EBF2: variants seen among roughly 807,000 people sequenced by gnomAD.
EBF2 encodes transcription factor COE2.
A neutral mutation model predicts 72.8 loss-of-function variants in EBF2; 21 were observed. The ratio of observed to expected loss-of-function variants is 0.29; its 90% CI spans 0.20 to 0.42. The LOEUF (loss-of-function observed/expected upper bound fraction) is 0.42, where lower values mean the gene tolerates loss of function less well. EBF2 is among the 10% of genes least tolerant of loss of function. EBF2 has a pLI of 1.00. For missense variants in EBF2, 637 were observed against 731.2 expected (o/e 0.87, Z 1.49); for synonymous variants, 299 against 274.2 (o/e 1.09, Z -0.89).
At chr8:25,909,219 G>T (rs1044586834) in intron 6 of EBF2, among the ~76,000 whole-genome samples, 1 of 152,072 alleles carries the variant, frequency 6.6e-6, no homozygotes, top group Non-Finnish European at 1.5e-5. Flanking sequence ...ATTTCTTGAA[G>T]CCAATATTCT....
chr8:26,028,947 G>A (rs540544299), intron 6 of EBF2, among the ~76,000 whole-genome samples: 1 of 152,310 alleles, frequency 6.6e-6, no homozygotes, highest in South Asian at 2.1e-4. Context: ...CTAGGCTTTT[G>A]GAGAGGGGCA....
chr8:26,002,428 C>T (rs551001674), intron 6 of EBF2, among the ~76,000 whole-genome samples: 1 of 152,342 alleles, frequency 6.6e-6, no homozygotes, highest in East Asian at 1.9e-4. Context: ...GCCTACCCAA[C>T]GCCTTTTGTA....
At chr8:25,902,311 C>T (rs1210591753) in intron 7 of EBF2, among the ~76,000 whole-genome samples, 4 of 152,006 alleles carry the variant, frequency 2.6e-5, no homozygotes, top group Admixed American at 2.0e-4. Context: ...ACTAGACATA[C>T]ATTTCTTTTC....
chr8:25,934,216 C>T (rs939457986), intron 6 of EBF2, among the ~76,000 whole-genome samples: 2 of 128,436 alleles, frequency 1.6e-5, no homozygotes, highest in Non-Finnish European at 3.2e-5. Flanking sequence ...TTGTTGACTT[C>T]ATGTGCATAC....
At chr8:26,018,298 G>A (rs1444010941) in intron 6 of EBF2, among the ~76,000 whole-genome samples, 2 of 151,286 alleles carry the variant, frequency 1.3e-5, no homozygotes, top group African/African-American at 2.4e-5. Flanking sequence ...GACATAAAAT[G>A]AGAGGAAAGG....
chr8:25,867,505 T>C (rs1187876186), intron 10 of EBF2, among the ~76,000 whole-genome samples: 1 of 152,214 alleles, frequency 6.6e-6, no homozygotes, highest in Non-Finnish European at 1.5e-5. Context: ...GCTTCCTTCC[T>C]ACCTCTTTGG....
intron 7 of EBF2, among the ~76,000 whole-genome samples, chr8:25,897,028 ATTCT>A (rs1238262396): frequency 1.3e-5 from 2 of 152,186 alleles, no homozygotes; most frequent in African/African-American, 2.4e-5. Context: ...AATTCCCAGA[ATTCT>A]CAGCAATGGC....
intron 6 of EBF2, among the ~76,000 whole-genome samples, chr8:25,913,728 G>T (rs1360044642): frequency 2.0e-5 from 3 of 152,146 alleles, no homozygotes; most frequent in Admixed American, 2.0e-4. Context: ...TGCCATGATG[G>T]TCACATAAGC....
At chr8:25,930,416 A>G (rs1803460325) in intron 6 of EBF2, among the ~76,000 whole-genome samples, 1 of 152,210 alleles carries the variant, frequency 6.6e-6, no homozygotes, top group African/African-American at 2.4e-5. Flanking sequence ...ATATCTACCT[A>G]TAAGACAATA....
At chr8:26,016,130 T>C (rs973279585) in intron 6 of EBF2, among the ~76,000 whole-genome samples, 1 of 152,232 alleles carries the variant, frequency 6.6e-6, no homozygotes, top group African/African-American at 2.4e-5. Flanking sequence ...ACCAGCTCTT[T>C]AGTGCAGGGA....
At chr8:26,040,251 T>TCA in intron 4 of EBF2, 150 bp from the exon 5 acceptor site, 1 of 823,648 alleles carries the variant, frequency 1.2e-6, no homozygotes, top group South Asian at 1.7e-5. Context: ...TCTGCGCGGT[T>TCA]GCCGAGTTTG....
At chr8:26,041,035 C>T (rs1563217108) in intron 2 of EBF2, 33 bp from the exon 3 acceptor site, 1 of 1,612,278 alleles carries the variant, frequency 6.2e-7, no homozygotes, top group Non-Finnish European at 8.5e-7. Flanking sequence ...ATTCCCTTGC[C>T]TTTCAGCCCC....
At position 25,858,483 on chromosome 8, in the gene EBF2, C is replaced by T. The variant is rs200377552; in HGVS notation, c.1364G>A (p.Ser455Asn). The stretch of plus-strand genomic sequence containing the variant: ...GGAAGAGTATCCCCGCGGAGAGATG[C>T]TGCTTGTGTTGCGGATGTACCCTTG... ...NNQGYIRNTSSISPRGYSSSS... is the reference protein window; with the variant it reads ...NNQGYIRNTSNISPRGYSSSS... The change falls in exon 14 of 16, where the codon AGC becomes AAC. Residue 455 changes from serine to asparagine, a missense_variant. By Grantham distance (46) the Ser-to-Asn change is conservative. Transcript: ENST00000520164. 9.9e-6 allele frequency: 16 copies of T among 1,613,830 alleles called. No homozygotes were observed. The Middle Eastern group carries it at 1.0e-3, about 101-fold the overall frequency.
chr8:25,876,540 T>A (rs77811100), intron 10 of EBF2, among the ~76,000 whole-genome samples: 15,906 of 152,112 alleles, frequency 0.1, 1,527 homozygotes, highest in African/African-American at 0.25. Flanking sequence ...AGGTAAGGCG[T>A]CTTCTGAGAC....
intron 14 of EBF2, among the ~76,000 whole-genome samples, chr8:25,851,749 A>C (rs563128100): frequency 6.6e-6 from 1 of 152,272 alleles, no homozygotes; most frequent in South Asian, 2.1e-4. Context: ...CAGCAGTGCT[A>C]TTTCTTGCTT....
intron 6 of EBF2, among the ~76,000 whole-genome samples, chr8:25,990,843 G>A (rs1037491489): frequency 9.8e-5 from 15 of 152,322 alleles, no homozygotes; most frequent in African/African-American, 3.4e-4. Context: ...CAGGCAGAAC[G>A]GAAATATGTC....
chr8:25,996,064 C>T (rs1430092410), intron 6 of EBF2, among the ~76,000 whole-genome samples: 1 of 152,012 alleles, frequency 6.6e-6, no homozygotes, highest in Non-Finnish European at 1.5e-5. Flanking sequence ...GAAGCCAAAG[C>T]CTGAGACTGG....
intron 5 of EBF2, among the ~76,000 whole-genome samples, chr8:26,033,547 C>T (rs113483148): frequency 4.6e-5 from 7 of 152,250 alleles, no homozygotes; most frequent in Non-Finnish European, 7.4e-5. Context: ...CATTCACCTT[C>T]GTGAATCTGT....
At chr8:25,938,953 C>T (rs1803625228) in intron 6 of EBF2, among the ~76,000 whole-genome samples, 1 of 152,138 alleles carries the variant, frequency 6.6e-6, no homozygotes. Flanking sequence ...TCTTCTTCCT[C>T]TTACAGCTGA....
Sources: gnomAD v4.1 joint callset for allele counts (sites outside exome capture counted in the v4.1 genomes callset) on GRCh38, gnomAD v4.1.1 for gene constraint, MANE v1.5 for transcripts, NCBI Gene and HGNC (gene_info 2026-07-23, HGNC 2026-07-21) for gene names.